The following ZNF385D variants were observed in gnomAD, a reference collection of about 807,000 sequenced individuals.
The protein encoded by ZNF385D is zinc finger protein 659.
ZNF385D carries 15 observed loss-of-function variants against 35.8 expected under a neutral mutation model. That is an observed-to-expected ratio of 0.42 (90% CI 0.28 to 0.64). The LOEUF (loss-of-function observed/expected upper bound fraction) is 0.64, where lower values mean the gene tolerates loss of function less well. Among genes scored for constraint, ZNF385D ranks in the 30% least tolerant of loss-of-function variants. The probability of loss-of-function intolerance (pLI) is 0.23; values close to 1 mark genes in which losing one functional copy is unlikely to be tolerated. For missense variants in ZNF385D, 474 were observed against 494.6 expected (o/e 0.96, Z 0.39); for synonymous variants, 212 against 186.8 (o/e 1.13, Z -1.10).
intron 3 of ZNF385D, among the ~76,000 whole-genome samples, chr3:22,152,032 G>A (rs953057522): frequency 6.6e-6 from 1 of 151,906 alleles, no homozygotes; most frequent in Non-Finnish European, 1.5e-5. Context: ...TAGGGTTCAG[G>A]GTTTGTTGTT....
At chr3:22,353,145 G>C (rs1025487649) in intron 2 of ZNF385D, among the ~76,000 whole-genome samples, 1 of 152,182 alleles carries the variant, frequency 6.6e-6, no homozygotes, top group African/African-American at 2.4e-5. Flanking sequence ...CAAATTTCTG[G>C]TGTGGGAAGT....
At chr3:21,883,293 A>T (rs1698372936) in intron 3 of ZNF385D, among the ~76,000 whole-genome samples, 1 of 151,878 alleles carries the variant, frequency 6.6e-6, no homozygotes, top group Admixed American at 6.6e-5. Context: ...TTATATTAAT[A>T]TTTTTTAAAA....
intron 2 of ZNF385D, among the ~76,000 whole-genome samples, chr3:22,193,440 TATG>T (rs1475327293): frequency 2.0e-5 from 3 of 152,106 alleles, no homozygotes; most frequent in African/African-American, 7.2e-5. Flanking sequence ...ACTTATTATA[TATG>T]ATATTAACGA....
chr3:21,774,215 T>G (rs967774119), intron 3 of ZNF385D, among the ~76,000 whole-genome samples: 1 of 151,330 alleles, frequency 6.6e-6, no homozygotes, highest in East Asian at 2.0e-4. Flanking sequence ...GGGAGCTGAA[T>G]GATGAGAAGA....
chr3:21,860,098 A>G (rs1696965576), intron 3 of ZNF385D, among the ~76,000 whole-genome samples: 2 of 152,140 alleles, frequency 1.3e-5, no homozygotes, highest in Non-Finnish European at 2.9e-5. Flanking sequence ...CAAAATTAGG[A>G]TGAATGTTGA....
chr3:21,726,726 C>T (rs535945319), intron 1 of ZNF385D, among the ~76,000 whole-genome samples: 3 of 152,236 alleles, frequency 2.0e-5, no homozygotes, highest in Admixed American at 1.3e-4. Flanking sequence ...GAACCAATAT[C>T]GTGAAAATGC....
chr3:21,856,437 G>A (rs772317433), intron 3 of ZNF385D, among the ~76,000 whole-genome samples: 10 of 151,950 alleles, frequency 6.6e-5, no homozygotes, highest in South Asian at 2.1e-4. Context: ...CCTCTAGGGC[G>A]TCTCCATTTT....
chr3:22,162,363 G>C (rs1459728243), intron 3 of ZNF385D, among the ~76,000 whole-genome samples: 1 of 152,086 alleles, frequency 6.6e-6, no homozygotes, highest in Admixed American at 6.6e-5. Context: ...ATCTACATTA[G>C]TAAAGTAAAC....
chr3:21,936,558 T>G (rs920343386), intron 3 of ZNF385D, among the ~76,000 whole-genome samples: 2 of 152,122 alleles, frequency 1.3e-5, no homozygotes, highest in Non-Finnish European at 2.9e-5. Context: ...GCATTTATCA[T>G]AATTTATAAT....
intron 2 of ZNF385D, among the ~76,000 whole-genome samples, chr3:22,210,790 C>G (rs1576501371): frequency 6.6e-6 from 1 of 151,602 alleles, no homozygotes; most frequent in African/African-American, 2.4e-5. Flanking sequence ...AGCTTGTTCC[C>G]TCACCACTCT....
chr3:22,282,062 C>A (rs896278063), intron 2 of ZNF385D, among the ~76,000 whole-genome samples: 1 of 151,858 alleles, frequency 6.6e-6, no homozygotes, highest in Non-Finnish European at 1.5e-5. Flanking sequence ...CTTGGACGAT[C>A]CCTTGTATTT....
chr3:21,858,157 CAAAAAA>C (rs34471727), intron 3 of ZNF385D, among the ~76,000 whole-genome samples: 37 of 119,610 alleles, frequency 3.1e-4, no homozygotes, highest in Admixed American at 2.1e-3. Context: ...AAGAGTCTAT[CAAAAAA>C]AAAAAAAAAA....
At chr3:22,157,414 A>T (rs574672630) in intron 3 of ZNF385D, among the ~76,000 whole-genome samples, 12 of 151,990 alleles carry the variant, frequency 7.9e-5, no homozygotes, top group African/African-American at 2.6e-4. Flanking sequence ...GACAGGAATT[A>T]AATTTTAAGG....
At chr3:22,221,462 A>C (rs762343072) in intron 2 of ZNF385D, among the ~76,000 whole-genome samples, 1 of 152,156 alleles carries the variant, frequency 6.6e-6, no homozygotes, top group Non-Finnish European at 1.5e-5. Flanking sequence ...TACGCACATT[A>C]AAGTTTGACA....
intron 2 of ZNF385D, among the ~76,000 whole-genome samples, chr3:22,240,323 A>G (rs1032928557): frequency 6.6e-6 from 1 of 151,092 alleles, no homozygotes; most frequent in Non-Finnish European, 1.5e-5. Context: ...AGAGACACGG[A>G]AAGAACACAC....
chr3:22,197,176 T>G (rs1044496502), intron 2 of ZNF385D, among the ~76,000 whole-genome samples: 1 of 152,058 alleles, frequency 6.6e-6, no homozygotes, highest in African/African-American at 2.4e-5. Context: ...CAATTTTTGT[T>G]GAATTTATTC....
chr3:22,198,813 T>G (rs1419041807), intron 2 of ZNF385D, among the ~76,000 whole-genome samples: 1 of 152,114 alleles, frequency 6.6e-6, no homozygotes, highest in Non-Finnish European at 1.5e-5. Context: ...ATCATTAACT[T>G]TCTTAAGTTA....
intron 2 of ZNF385D, among the ~76,000 whole-genome samples, chr3:22,268,804 T>G (rs1314676502): frequency 6.6e-6 from 1 of 151,986 alleles, no homozygotes; most frequent in Non-Finnish European, 1.5e-5. Context: ...TCAGAACCCA[T>G]GCATTTTTAC....
intron 3 of ZNF385D, among the ~76,000 whole-genome samples, chr3:22,125,562 A>T (rs944060149): frequency 6.6e-6 from 1 of 152,128 alleles, no homozygotes; most frequent in African/African-American, 2.4e-5. Flanking sequence ...ATCCATAAAC[A>T]TAGATTATCT....
Sources: allele counts gnomAD v4.1 joint callset (sites outside exome capture counted in the v4.1 genomes callset), GRCh38; gene constraint gnomAD v4.1.1; transcripts MANE v1.5; gene names NCBI Gene and HGNC (gene_info 2026-07-23, HGNC 2026-07-21).